The following ZNF608 variants were observed in gnomAD, a reference collection of about 807,000 sequenced individuals.
The protein encoded by ZNF608 is zinc finger protein 608, also known as renal carcinoma antigen NY-REN-36.
A neutral mutation model predicts 109.0 loss-of-function variants in ZNF608; 12 were observed. The observed-to-expected ratio is 0.11, with a 90% CI of 0.07 to 0.18. ZNF608 has a LOEUF of 0.18. ZNF608 is among the 10% of genes least tolerant of loss of function. The probability of loss-of-function intolerance (pLI) is 1.00; values close to 1 mark genes in which losing one functional copy is unlikely to be tolerated. For synonymous variants in ZNF608, 732 were observed against 717.4 expected (o/e 1.02, Z -0.33); for missense variants, 1,707 against 1,879.3 (o/e 0.91, Z 1.70).
intron 2 of ZNF608, among the ~76,000 whole-genome samples, chr5:124,723,705 G>A (rs1217920186): frequency 6.6e-6 from 1 of 152,064 alleles, no homozygotes; most frequent in African/African-American, 2.4e-5. Flanking sequence ...CAATGAATCT[G>A]ACTATACAGT....
At position 124,666,655 on chromosome 5, in the gene ZNF608, C is replaced by T. The variant is rs189878931; in HGVS notation, c.1163-16958G>A. Among the ~76,000 whole-genome samples the T allele has an allele frequency of 2.8e-4, 43 of 151,842 alleles. No individual in the cohort carries two copies. In the East Asian group the frequency reaches 7.9e-3, roughly 28 times the overall value. ...CCCCAGCCCTGGAAGATTAGTAACT[C>T]AATGTGACTACTTTTATCACAACTC... On this transcript the variant is annotated intron_variant, in intron 3 of 9. Transcript: ENST00000513986.
chr5:124,714,107 G>A (rs187120436), intron 2 of ZNF608, among the ~76,000 whole-genome samples: 5 of 151,990 alleles, frequency 3.3e-5, no homozygotes, highest in South Asian at 2.1e-4. Flanking sequence ...CTCCCTTCAC[G>A]GAGCTGACAA....
chr5:124,742,738 C>G (rs2149906606), intron 2 of ZNF608, among the ~76,000 whole-genome samples: 2 of 152,270 alleles, frequency 1.3e-5, no homozygotes, highest in South Asian at 4.1e-4. Flanking sequence ...CAAAACTTTA[C>G]TCCTATACTC....
intron 2 of ZNF608, among the ~76,000 whole-genome samples, chr5:124,741,421 G>GCA (rs1749394006): frequency 1.1e-5 from 1 of 91,470 alleles, no homozygotes; most frequent in African/African-American, 4.1e-5. Flanking sequence ...AAAAAAAAAT[G>GCA]CACACACACA....
rs1457663499 is a variant in ZNF608 at position 124,656,413 on chromosome 5, G to C, written c.1163-6716C>G. On this transcript the variant is annotated intron_variant, in intron 3 of 9. Coordinates refer to ENST00000513986, the MANE Select transcript of ZNF608 (RefSeq NM_020747.3). Reference sequence around the variant, plus strand: ...GGAATATGTTGGCATCACTCTATCTGCGTTAATTATAACCTCTCAGATGAC... The same window carrying C: ...GGAATATGTTGGCATCACTCTATCTCCGTTAATTATAACCTCTCAGATGAC... 3.9e-5 allele frequency among the ~76,000 whole-genome samples: 6 copies of C among 152,180 alleles called. 1 individual carries two copies. In the East Asian group the frequency reaches 1.2e-3, roughly 29 times the overall value.
At chr5:124,649,814 TA>T (rs1335770493) in intron 3 of ZNF608, 117 bp from the exon 4 acceptor site, 11 of 634,886 alleles carry the variant, frequency 1.7e-5, no homozygotes, top group African/African-American at 1.1e-4. Flanking sequence ...CATTTGCTTT[TA>T]AAAGCTGTGG....
chr5:124,745,184 G>A lies in ZNF608; in HGVS notation c.-183-12C>T, dbSNP rs1173948557. 115 of 1,403,914 alleles carry A rather than the reference G, an allele frequency of 8.2e-5. No individual in the cohort carries two copies. The highest frequency in any genetic ancestry group is 1.0e-4 in the Non-Finnish European group (110 of 1,088,108). 87.0% of individuals were successfully genotyped at this position (1,403,914 alleles called of 1,614,324 possible). A position where few individuals can be genotyped will look rare whatever the true frequency, so the allele number is the denominator to read the frequency against. On this transcript the variant is annotated splice_polypyrimidine_tract_variant and intron_variant, in intron 1 of 9. Coordinates refer to ENST00000513986, the MANE Select transcript of ZNF608 (RefSeq NM_020747.3). ...AGGTCCACCTTTTCCTGTGAAGGGG[G>A]GGGGAAAAGTCGAATATTTCTTGTC...
chr5:124,701,421 AAGG>A (rs1753048187), intron 2 of ZNF608, 152 bp from the exon 3 acceptor site: 1 of 1,025,320 alleles, frequency 9.8e-7, no homozygotes, highest in Non-Finnish European at 1.4e-6. Context: ...CCAAAATATA[AAGG>A]AGAATAGAAA....
intron 2 of ZNF608, among the ~76,000 whole-genome samples, chr5:124,709,669 C>T (rs751108501): frequency 1.3e-5 from 2 of 152,150 alleles, no homozygotes; most frequent in African/African-American, 2.4e-5. Context: ...TCAAAAGTGC[C>T]GCTGACATCT....
intron 2 of ZNF608, among the ~76,000 whole-genome samples, chr5:124,738,853 C>T (rs961970741): frequency 6.6e-6 from 1 of 152,124 alleles, no homozygotes; most frequent in African/African-American, 2.4e-5. Flanking sequence ...TGCAGCTCTC[C>T]CACACGTCAT....
chr5:124,674,708 T>A (rs1751864659), intron 3 of ZNF608, among the ~76,000 whole-genome samples: 1 of 152,166 alleles, frequency 6.6e-6, no homozygotes, highest in Non-Finnish European at 1.5e-5. Flanking sequence ...ACTCCTAGGC[T>A]CAAGCAATCC....
chr5:124,687,984 T>C (rs2149833703), intron 3 of ZNF608, among the ~76,000 whole-genome samples: 2 of 152,280 alleles, frequency 1.3e-5, no homozygotes, highest in South Asian at 4.1e-4. Flanking sequence ...TTATATATTA[T>C]AAACAAATCA....
chr5:124,741,180 C>T (rs906757842), intron 2 of ZNF608, among the ~76,000 whole-genome samples: 1 of 151,908 alleles, frequency 6.6e-6, no homozygotes. Context: ...AAGGGAGTGG[C>T]GACTTTTACA....
At chr5:124,669,079 C>G (rs1337999554) in intron 3 of ZNF608, among the ~76,000 whole-genome samples, 1 of 151,818 alleles carries the variant, frequency 6.6e-6, no homozygotes, top group African/African-American at 2.4e-5. Context: ...ATATTTAGTG[C>G]ACTGAGAAGA....
intron 3 of ZNF608, among the ~76,000 whole-genome samples, chr5:124,675,246 G>C (rs1751893737): frequency 6.6e-6 from 1 of 152,188 alleles, no homozygotes; most frequent in African/African-American, 2.4e-5. Flanking sequence ...AATGTTATTA[G>C]TAAGTTTCCA....
chr5:124,651,667 A>G (rs942295537), intron 3 of ZNF608, among the ~76,000 whole-genome samples: 1 of 152,286 alleles, frequency 6.6e-6, no homozygotes, highest in East Asian at 1.9e-4. Flanking sequence ...ATTTGTCTGC[A>G]GTGAAAGGCT....
At chr5:124,742,042 C>G (rs1749432582) in intron 2 of ZNF608, among the ~76,000 whole-genome samples, 1 of 152,122 alleles carries the variant, frequency 6.6e-6, no homozygotes, top group African/African-American at 2.4e-5. Context: ...CCTCCCCCAC[C>G]CCAGATCCAC....
chr5:124,714,252 A>G (rs573293236), intron 2 of ZNF608, among the ~76,000 whole-genome samples: 2 of 152,334 alleles, frequency 1.3e-5, no homozygotes, highest in African/African-American at 4.8e-5. Flanking sequence ...AGGATATTTT[A>G]TCTTAATTGC....
At chr5:124,737,485 C>T (rs1260465348) in intron 2 of ZNF608, among the ~76,000 whole-genome samples, 1 of 152,152 alleles carries the variant, frequency 6.6e-6, no homozygotes, top group Non-Finnish European at 1.5e-5. Flanking sequence ...ACCGAAACAC[C>T]TTTTCCTTTG....
Sources: gnomAD v4.1 joint callset for allele counts (sites outside exome capture counted in the v4.1 genomes callset) on GRCh38, gnomAD v4.1.1 for gene constraint, MANE v1.5 for transcripts, NCBI Gene and HGNC (gene_info 2026-07-23, HGNC 2026-07-21) for gene names.